The following TANC2 variants were observed in gnomAD, a reference collection of about 807,000 sequenced individuals.
TANC2 encodes tetratricopeptide repeat, ankyrin repeat and coiled-coil containing 2.
In TANC2, 26 loss-of-function variants were observed where a neutral mutation model predicts 210.5. The observed-to-expected ratio is 0.12, with a 90% CI of 0.09 to 0.17. The LOEUF (loss-of-function observed/expected upper bound fraction) is 0.17, where lower values mean the gene tolerates loss of function less well. Among genes scored for constraint, TANC2 ranks in the 10% least tolerant of loss-of-function variants. The pLI is 1.00. For missense variants in TANC2, 2,129 were observed against 2,608.9 expected (o/e 0.82, Z 4.01); for synonymous variants, 931 against 967.1 (o/e 0.96, Z 0.69).
In TANC2 at chr17:63,244,733, G is replaced by T. The variant is rs183376887; in HGVS notation, c.1033+6656G>T. Among the ~76,000 whole-genome samples the T allele has an allele frequency of 7.7e-3, 1,173 of 152,278 alleles. 6 individuals are homozygous for T. The highest frequency in any genetic ancestry group is 0.012 in the Non-Finnish European group (829 of 68,010). On this transcript the variant is annotated intron_variant, in intron 8 of 27. Coordinates refer to ENST00000689528, the Ensembl canonical transcript of TANC2. Reference sequence around the variant, plus strand: ...AGCGTATTGTCTCTGATATGATTTGGCTGTGTCCCCACCCAAAACTCATTT... The same window carrying T: ...AGCGTATTGTCTCTGATATGATTTGTCTGTGTCCCCACCCAAAACTCATTT...
intron 4 of TANC2, among the ~76,000 whole-genome samples, chr17:63,127,939 G>A (rs1268045869): frequency 2.0e-5 from 3 of 152,106 alleles, no homozygotes; most frequent in Admixed American, 1.3e-4. Context: ...GTATATTAGA[G>A]GCCAGTAGGC....
chr17:63,321,589 C>T (rs917486864), intron 11 of TANC2, among the ~76,000 whole-genome samples: 18 of 152,178 alleles, frequency 1.2e-4, no homozygotes, highest in Non-Finnish European at 2.2e-4. Flanking sequence ...TTCAAATTCT[C>T]TAGCAAAGAA....
chr17:63,096,704 T>C (rs1165029158), intron 3 of TANC2, among the ~76,000 whole-genome samples: 2 of 152,224 alleles, frequency 1.3e-5, no homozygotes, highest in African/African-American at 4.8e-5. Context: ...ATAATGCTGC[T>C]GTGAACGTTC....
intron 9 of TANC2, among the ~76,000 whole-genome samples, chr17:63,270,549 A>G (rs1304066622): frequency 6.6e-6 from 1 of 152,198 alleles, no homozygotes; most frequent in Non-Finnish European, 1.5e-5. Context: ...CTACCCCCAA[A>G]AAAGTAATGA....
chr17:63,059,455 T>C (rs1455103433), intron 2 of TANC2, among the ~76,000 whole-genome samples: 1 of 152,220 alleles, frequency 6.6e-6, no homozygotes, highest in Non-Finnish European at 1.5e-5. Flanking sequence ...TGAGCCCCAG[T>C]GCCTATACAG....
chr17:62,983,077 A>G (rs2143451402), intron 1 of TANC2, among the ~76,000 whole-genome samples: 1 of 152,282 alleles, frequency 6.6e-6, no homozygotes, highest in East Asian at 1.9e-4. Context: ...CTCTTCTTCC[A>G]TTAGCATAAG....
chr17:63,215,361 T>A (rs1446896726), intron 7 of TANC2, among the ~76,000 whole-genome samples: 2 of 152,188 alleles, frequency 1.3e-5, no homozygotes, highest in African/African-American at 4.8e-5. Flanking sequence ...TTGGTCTTTG[T>A]CCCTGGTTCC....
intron 5 of TANC2, among the ~76,000 whole-genome samples, chr17:63,160,320 G>A (rs952791734): frequency 3.3e-5 from 5 of 152,136 alleles, no homozygotes; most frequent in Non-Finnish European, 7.4e-5. Flanking sequence ...TAGGAGCATT[G>A]CTTGAGGCCA....
chr17:63,320,961 A>G (rs1470440242), intron 11 of TANC2, among the ~76,000 whole-genome samples: 1 of 152,150 alleles, frequency 6.6e-6, no homozygotes, highest in African/African-American at 2.4e-5. Flanking sequence ...CACTTTGGGA[A>G]GCCAAGGTGG....
chr17:63,261,410 G>C (rs765819571), intron 8 of TANC2, among the ~76,000 whole-genome samples: 9 of 152,016 alleles, frequency 5.9e-5, no homozygotes, highest in East Asian at 5.8e-4. Flanking sequence ...TGGAAGAAAG[G>C]CCTCACAAAG....
intron 6 of TANC2, among the ~76,000 whole-genome samples, chr17:63,195,105 G>T (rs1464979626): frequency 6.6e-6 from 1 of 152,106 alleles, no homozygotes; most frequent in African/African-American, 2.4e-5. Context: ...GTGTGGATAA[G>T]TTCAGATGTT....
At chr17:63,258,925 A>T (rs944334911) in intron 8 of TANC2, among the ~76,000 whole-genome samples, 1 of 152,052 alleles carries the variant, frequency 6.6e-6, no homozygotes. Context: ...AAGGGAATAC[A>T]CAGAGTCACA....
At chr17:63,258,927 A>ACTCAAAAAGGGAGTGACTCAAAAAGG (rs2043278290) in intron 8 of TANC2, among the ~76,000 whole-genome samples, 1 of 152,122 alleles carries the variant, frequency 6.6e-6, no homozygotes, top group Non-Finnish European at 1.5e-5. Flanking sequence ...GGGAATACAC[A>ACTCAAAAAGGGAGTGACTCAAAAAGG]GAGTCACACC....
At chr17:63,315,901 T>C (rs2045298920) in intron 10 of TANC2, among the ~76,000 whole-genome samples, 1 of 152,122 alleles carries the variant, frequency 6.6e-6, no homozygotes, top group Non-Finnish European at 1.5e-5. Flanking sequence ...TGGTAAGAAT[T>C]GGTATGGAAG....
At chr17:63,257,699 A>C (rs989435281) in intron 8 of TANC2, among the ~76,000 whole-genome samples, 1 of 152,198 alleles carries the variant, frequency 6.6e-6, no homozygotes, top group Non-Finnish European at 1.5e-5. Flanking sequence ...CAAACTGATA[A>C]CAACTTAACA....
chr17:63,368,396 A>G (rs2047170885), intron 14 of TANC2, among the ~76,000 whole-genome samples: 1 of 152,252 alleles, frequency 6.6e-6, no homozygotes, highest in Non-Finnish European at 1.5e-5. Context: ...TGCTCAAGGC[A>G]TGCAGCTATA....
At chr17:62,967,634 T>G (rs573313540) in intron 1 of TANC2, 11 of 152,172 alleles carry the variant, frequency 7.2e-5, no homozygotes, top group Admixed American at 3.9e-4. Flanking sequence ...AGGGAAGTAT[T>G]TTTCGTATGT....
At chr17:63,116,248 A>T (rs2038246449) in intron 4 of TANC2, among the ~76,000 whole-genome samples, 1 of 152,226 alleles carries the variant, frequency 6.6e-6, no homozygotes, top group African/African-American at 2.4e-5. Flanking sequence ...AAATCTAATG[A>T]AAGATATTTT....
intron 14 of TANC2, among the ~76,000 whole-genome samples, chr17:63,355,760 G>A (rs4968642): frequency 0.59 from 90,024 of 151,952 alleles, 28,974 homozygotes; most frequent in African/African-American, 0.84. Context: ...TTTGATTTAG[G>A]GCAGAATCAT....
Sources: gnomAD v4.1 joint callset for allele counts (sites outside exome capture counted in the v4.1 genomes callset) on GRCh38, gnomAD v4.1.1 for gene constraint, MANE v1.5 for transcripts, NCBI Gene and HGNC (gene_info 2026-07-23, HGNC 2026-07-21) for gene names.